Variants in KDM6A observed in about 807,000 individuals in gnomAD.
The protein encoded by KDM6A is lysine demethylase 6A.
KDM6A carries 11 observed loss-of-function variants against 117.6 expected under a neutral mutation model. The ratio of observed to expected loss-of-function variants is 0.09; its 90% CI spans 0.06 to 0.15. The LOEUF (loss-of-function observed/expected upper bound fraction) is 0.15, where lower values mean the gene tolerates loss of function less well. Among genes scored for constraint, KDM6A ranks in the 10% least tolerant of loss-of-function variants. The pLI is 1.00. For missense variants in KDM6A, 799 were observed against 1,077.3 expected (o/e 0.74, Z 3.62); for synonymous variants, 384 against 396.1 (o/e 0.97, Z 0.36).
At position 45,095,824 on chromosome X, in the gene KDM6A, C is replaced by T. The variant is rs73493134; in HGVS notation, c.4034+4960C>T. Among the ~76,000 whole-genome samples the T allele has an allele frequency of 7.6e-3, 858 of 112,357 alleles. 14 individuals are homozygous for T. Among genetic ancestry groups the T allele is most frequent in the African/African-American group, 0.027 (823 of 30,962 alleles). ...CAACTGTTGTACATCTGCAAAGGCA[C>T]TAATGTACACTTTCTTCAGAAATCT... is the stretch of plus-strand genomic sequence containing the variant. On this transcript the variant is annotated intron_variant, in intron 27 of 29. Transcript: ENST00000611820.
At chrX:45,028,558 C>T (rs1456002931) in intron 6 of KDM6A, among the ~76,000 whole-genome samples, 6 of 111,976 alleles carry the variant, frequency 5.4e-5, no homozygotes, top group Admixed American at 2.8e-4. Flanking sequence ...TCAGTTTCAC[C>T]TGAGTGTAAC....
At position 45,069,680 on chromosome X, in the gene KDM6A, T is replaced by C. The variant is rs772082388; in HGVS notation, c.2181T>C (p.Gly727=). Residue 727 remains glycine (G), a synonymous_variant, in exon 18 of 30, where the codon GGT becomes GGC. Coordinates refer to ENST00000611820, the MANE Select transcript of KDM6A (RefSeq NM_001291415.2). The part of the protein sequence containing the change: ...PSQHLQAAGS[G]IQNQNGHPTL... ...AGCATCTCCAGGCAGCTGGCTCTGG[T>C]ATTCAGAATCAGAACGGACATCCCA... The C allele has an allele frequency of 8.3e-7, 1 of 1,210,353 alleles. No homozygotes were observed. The highest frequency in any genetic ancestry group is 1.1e-6 in the Non-Finnish European group (1 of 894,652).
At chrX:44,941,168 TTACTG>T (rs2037296798) in intron 2 of KDM6A, among the ~76,000 whole-genome samples, 1 of 112,630 alleles carries the variant, frequency 8.9e-6, no homozygotes, top group Non-Finnish European at 1.9e-5. Context: ...GGTGGTATGA[TTACTG>T]TAGTGTTTAG....
At chrX:45,031,880 A>T (rs1416530573) in intron 6 of KDM6A, among the ~76,000 whole-genome samples, 1 of 111,678 alleles carries the variant, frequency 9.0e-6, no homozygotes, top group African/African-American at 3.3e-5. Context: ...TAGGCAAAAT[A>T]CTATAACATT....
intron 2 of KDM6A, among the ~76,000 whole-genome samples, chrX:44,905,656 A>C (rs1381416525): frequency 8.9e-6 from 1 of 112,077 alleles, no homozygotes; most frequent in Admixed American, 9.5e-5. Flanking sequence ...TCTTTGAAAT[A>C]ATTGTTCTAT....
chrX:45,026,554 G>A (rs757081384), intron 6 of KDM6A, among the ~76,000 whole-genome samples: 12 of 110,189 alleles, frequency 1.1e-4, no homozygotes, highest in African/African-American at 3.6e-4. Context: ...TGGGCCGGGC[G>A]CAGTGGCTCA....
chrX:45,068,771 C>CT (rs2044663214), intron 17 of KDM6A, among the ~76,000 whole-genome samples: 10 of 102,399 alleles, frequency 9.8e-5, no homozygotes, highest in Non-Finnish European at 2.0e-5. Context: ...CTCTCTCCCT[C>CT]CTCTCTCCTC....
chrX:45,060,601 A>G lies in KDM6A; in HGVS notation c.1330-8A>G. 1 of 1,048,271 alleles carries G rather than the reference A, an allele frequency of 9.5e-7. No individual in the cohort carries two copies. 86.4% of individuals were successfully genotyped at this position (1,048,271 alleles called of 1,213,427 possible). Reference sequence around the variant, plus strand: ...ACCCTATTTTTGTCTTCCTTCTGTGATTCTTAGGCATGTAAACCTCATCAT... The same window carrying G: ...ACCCTATTTTTGTCTTCCTTCTGTGGTTCTTAGGCATGTAAACCTCATCAT... On this transcript the variant is annotated splice_polypyrimidine_tract_variant and splice_region_variant and intron_variant, in intron 13 of 29. Transcript: ENST00000611820.
At chrX:44,959,753 A>G (rs2038567338) in intron 2 of KDM6A, among the ~76,000 whole-genome samples, 1 of 111,606 alleles carries the variant, frequency 9.0e-6, no homozygotes, top group African/African-American at 3.2e-5. Context: ...ATTATATATG[A>G]CTTAAATAAA....
intron 27 of KDM6A, among the ~76,000 whole-genome samples, chrX:45,095,778 C>T (rs7052823): frequency 0.038 from 4,255 of 111,884 alleles, 221 homozygotes; most frequent in African/African-American, 0.13. Flanking sequence ...CAACACTTCT[C>T]TTGTTGAGGT....
intron 3 of KDM6A, among the ~76,000 whole-genome samples, chrX:44,962,093 C>T (rs1042498381): frequency 2.7e-5 from 3 of 111,556 alleles, no homozygotes; most frequent in Non-Finnish European, 5.6e-5. Flanking sequence ...TGATAGTAAA[C>T]ATTTTGATGT....
chrX:44,992,023 TA>T (rs929015340), intron 4 of KDM6A, among the ~76,000 whole-genome samples: 1 of 109,894 alleles, frequency 9.1e-6, no homozygotes, highest in Non-Finnish European at 1.9e-5. Context: ...TCAGGGCTTA[TA>T]AAAAAATATT....
chrX:45,110,401 C>A (rs1224285651), intron 29 of KDM6A, 152 bp downstream of exon 29: 2 of 488,030 alleles, frequency 4.1e-6, no homozygotes, highest in African/African-American at 2.4e-5. Flanking sequence ...ATCATTCCCC[C>A]CTCCATTTCC....
At chrX:44,927,956 C>T (rs1469053233) in intron 2 of KDM6A, among the ~76,000 whole-genome samples, 1 of 110,393 alleles carries the variant, frequency 9.1e-6, no homozygotes. Context: ...GTCAGAATCT[C>T]GAGTTGTTAT....
In KDM6A at chrX:44,911,359, C is replaced by T. The variant is rs145254703; in HGVS notation, c.225+37372C>T. Among the ~76,000 whole-genome samples the T allele has an allele frequency of 9.8e-3, 1,044 of 107,017 alleles. 14 individuals are homozygous for T. The highest frequency in any genetic ancestry group is 0.035 in the African/African-American group (1,004 of 28,854). The allele number at this position is 107,017 out of a possible 115,157, so 92.9% of individuals were successfully genotyped here. On this transcript the variant is annotated intron_variant, in intron 2 of 29. Coordinates refer to ENST00000611820, the MANE Select transcript of KDM6A (RefSeq NM_001291415.2). ...CTCCTCACTTCTCAGACGGGGTGGC[C>T]GGGCAGAGACGCTCCTCACCTCCCA... is the stretch of plus-strand genomic sequence containing the variant.
chrX:44,972,342 C>T (rs2147249322), intron 3 of KDM6A, among the ~76,000 whole-genome samples: 1 of 111,167 alleles, frequency 9.0e-6, no homozygotes, highest in Non-Finnish European at 1.9e-5. Context: ...CTCCCTTCCT[C>T]TGTAGGTGTA....
chrX:45,087,112 T>C (rs2045673369), intron 25 of KDM6A, among the ~76,000 whole-genome samples: 1 of 112,810 alleles, frequency 8.9e-6, no homozygotes, highest in African/African-American at 3.2e-5. Flanking sequence ...TGCCTCAGCC[T>C]CCTGAGTAGC....
chrX:44,917,804 C>T (rs1312719190), intron 2 of KDM6A, among the ~76,000 whole-genome samples: 1 of 112,175 alleles, frequency 8.9e-6, no homozygotes, highest in Admixed American at 9.5e-5. Context: ...TATTTTTAAT[C>T]TGAGTTTTAA....
At chrX:45,030,933 G>C (rs1157441321) in intron 6 of KDM6A, among the ~76,000 whole-genome samples, 1 of 111,456 alleles carries the variant, frequency 9.0e-6, no homozygotes, top group Non-Finnish European at 1.9e-5. Context: ...GGCCTCAAGT[G>C]ATCTGCCCGC....
Sources: allele counts gnomAD v4.1 joint callset (sites outside exome capture counted in the v4.1 genomes callset), GRCh38; gene constraint gnomAD v4.1.1; transcripts MANE v1.5; gene names NCBI Gene and HGNC (gene_info 2026-07-23, HGNC 2026-07-21).